The following ELK3 variants were observed in gnomAD, a reference collection of about 807,000 sequenced individuals.
ELK3 encodes the protein ETS domain-containing protein Elk-3.
Under a neutral mutation model 28.9 loss-of-function variants are expected in ELK3, and 10 were observed. That is an observed-to-expected ratio of 0.35 (90% CI 0.21 to 0.59). ELK3 has a LOEUF of 0.59. ELK3 is among the 20% of genes least tolerant of loss of function. The pLI is 0.82. For synonymous variants in ELK3, 272 were observed against 243.5 expected, an observed-to-expected ratio of 1.12 and a Z score of -1.09; for missense variants, 463 against 517.3, an observed-to-expected ratio of 0.90 and a Z score of 1.02.
At chr12:96,258,496 T>C (rs1349375850) in intron 3 of ELK3, among the ~76,000 whole-genome samples, 1 of 152,222 alleles carries the variant, frequency 6.6e-6, no homozygotes, top group African/African-American at 2.4e-5. Flanking sequence ...AGGCCAATTC[T>C]AGGAAAAAAT....
chr12:96,203,541 C>G (rs1036673684), intron 1 of ELK3, among the ~76,000 whole-genome samples: 2 of 152,194 alleles, frequency 1.3e-5, no homozygotes, highest in South Asian at 2.1e-4. Flanking sequence ...TATAGCCCCA[C>G]CTTGTTTTGC....
intron 4 of ELK3, among the ~76,000 whole-genome samples, chr12:96,262,779 A>T (rs1952002842): frequency 6.6e-6 from 1 of 152,124 alleles, no homozygotes; most frequent in Non-Finnish European, 1.5e-5. Context: ...TTCAGAATTC[A>T]GATTACTATC....
chr12:96,244,971 G>T lies in ELK3; in HGVS notation c.208-1969G>T, dbSNP rs148239022. On this transcript the variant is annotated intron_variant, in intron 2 of 4. Transcript: ENST00000228741. The stretch of plus-strand genomic sequence containing the variant: ...GCAGCGTGAGTGTGAGGTCGCTGGC[G>T]TAAATGAGACCCCGCGGGTTAAGTT... Among the ~76,000 whole-genome samples the T allele has an allele frequency of 1.8e-3, 279 of 152,210 alleles. 1 individual carries two copies. Among genetic ancestry groups the T allele is most frequent in the African/African-American group, 6.0e-3 (251 of 41,536 alleles).
intron 2 of ELK3, 160 bp downstream of exon 2, chr12:96,223,933 T>C (rs920118730): frequency 2.0e-5 from 15 of 734,064 alleles, no homozygotes; most frequent in Non-Finnish European, 2.8e-5. Context: ...GCTGTAGGGA[T>C]TTTCCCCACC....
intron 2 of ELK3, among the ~76,000 whole-genome samples, chr12:96,242,627 G>A (rs568427361): frequency 7.2e-5 from 11 of 152,226 alleles, no homozygotes; most frequent in African/African-American, 1.4e-4. Context: ...AGGGACACAC[G>A]TCCTCTGAGC....
At chr12:96,256,386 T>C (rs1031799863) in intron 3 of ELK3, among the ~76,000 whole-genome samples, 1 of 152,156 alleles carries the variant, frequency 6.6e-6, no homozygotes, top group Non-Finnish European at 1.5e-5. Flanking sequence ...GTTTGCACTC[T>C]CGGTCAGTAT....
chr12:96,206,081 C>G (rs1327578024), intron 1 of ELK3, among the ~76,000 whole-genome samples: 3 of 152,080 alleles, frequency 2.0e-5, no homozygotes, highest in Non-Finnish European at 4.4e-5. Flanking sequence ...AGCTCGTTGC[C>G]CTGCTTTGAT....
Position 96,268,426 on chromosome 12 carries a change from G to A in ELK3, c.*1246G>A, listed in dbSNP as rs1194705321. 1 of 152,166 alleles carries A rather than the reference G, an allele frequency of 6.6e-6. No individual in the cohort carries two copies. Among genetic ancestry groups the A allele is most frequent in the Admixed American group, 6.5e-5 (1 of 15,272 alleles). The allele number at this position is 152,166 out of a possible 1,614,324, so 9.4% of individuals were successfully genotyped here. On this transcript the variant is annotated 3_prime_UTR_variant, in exon 5 of 5. Transcript: ENST00000228741. ...GTGGAACTGAACTGATGATAACTTG[G>A]AACACTCCAGTAAATTCTGTTGTGT...
rs577336166 is a variant in ELK3, at chr12:96,260,692, T to C, written c.1125+839T>C. On this transcript the variant is annotated intron_variant, in intron 4 of 4. Transcript: ENST00000228741. ...ATTAAGGTGTTACTGTTTGAATATGTTGAGTGCAGGTGGAAAGAATCCTAG... is the reference window on the plus strand; with the variant it reads ...ATTAAGGTGTTACTGTTTGAATATGCTGAGTGCAGGTGGAAAGAATCCTAG... Among the ~76,000 whole-genome samples, 19 of 152,312 alleles carry C rather than the reference T, an allele frequency of 1.2e-4. 2 individuals carry two copies. The South Asian group carries it at 2.9e-3, about 23-fold the overall frequency.
At chr12:96,229,675 G>C (rs965929387) in intron 2 of ELK3, among the ~76,000 whole-genome samples, 1 of 151,986 alleles carries the variant, frequency 6.6e-6, no homozygotes, top group African/African-American at 2.4e-5. Flanking sequence ...GGGACTACAG[G>C]CATGTGCCAC....
At chr12:96,230,817 G>A (rs557945407) in intron 2 of ELK3, among the ~76,000 whole-genome samples, 8 of 152,310 alleles carry the variant, frequency 5.3e-5, no homozygotes, top group Non-Finnish European at 2.9e-5. Flanking sequence ...TGCACGTGAC[G>A]CAGGTGTGGG....
chr12:96,238,655 C>T (rs1416129061), intron 2 of ELK3, among the ~76,000 whole-genome samples: 3 of 152,214 alleles, frequency 2.0e-5, no homozygotes, highest in African/African-American at 4.8e-5. Context: ...AGTGCTGGGT[C>T]CCCCGTGCCT....
chr12:96,218,366 G>A (rs1315048259), intron 1 of ELK3, among the ~76,000 whole-genome samples: 1 of 152,130 alleles, frequency 6.6e-6, no homozygotes, highest in African/African-American at 2.4e-5. Context: ...CACAGAGTTC[G>A]ATTCTGCAAA....
chr12:96,194,838 GGT>G (rs1485484751), intron 1 of ELK3, 133 bp downstream of exon 1: 1 of 143,436 alleles, frequency 7.0e-6, no homozygotes, highest in South Asian at 2.1e-4. Flanking sequence ...TGCGGGCCGG[GGT>G]GGGGGTGGCG....
chr12:96,230,592 C>G (rs954777070), intron 2 of ELK3, among the ~76,000 whole-genome samples: 1 of 152,188 alleles, frequency 6.6e-6, no homozygotes, highest in African/African-American at 2.4e-5. Flanking sequence ...AGGGTGGAGA[C>G]AGGTCCACCC....
intron 1 of ELK3, among the ~76,000 whole-genome samples, chr12:96,222,370 CACCAGAGTTGAAGG>C (rs3831818): frequency 0.3 from 45,272 of 151,910 alleles, 7,152 homozygotes; most frequent in East Asian, 0.58. Context: ...AAAAAGTTCA[CACCAGAGTTGAAGG>C]AAAAGGATAA....
Position 96,268,553 on chromosome 12 carries a change from A to C in ELK3, c.*1373A>C, listed in dbSNP as rs1270970321. 1 of 152,224 alleles carries C rather than the reference A, an allele frequency of 6.6e-6. No homozygotes were observed. Among genetic ancestry groups the C allele is most frequent in the Admixed American group, 6.5e-5 (1 of 15,286 alleles). 9.4% of individuals were successfully genotyped at this position (152,224 alleles called of 1,614,324 possible). ...ACCACACCTGTACATGAAGAAGGAA[A>C]GTTCTAATACAAGAAAACTGAAAAG... On this transcript the variant is annotated 3_prime_UTR_variant, in exon 5 of 5. Coordinates refer to ENST00000228741, the MANE Select transcript of ELK3 (RefSeq NM_005230.4).
At chr12:96,264,226 C>T (rs1420806661) in intron 4 of ELK3, among the ~76,000 whole-genome samples, 3 of 152,122 alleles carry the variant, frequency 2.0e-5, no homozygotes, top group Admixed American at 2.0e-4. Flanking sequence ...CTCGAGCAGT[C>T]CTCCTGCTTT....
chr12:96,249,886 A>T (rs1401855852), intron 3 of ELK3, among the ~76,000 whole-genome samples: 1 of 152,180 alleles, frequency 6.6e-6, no homozygotes, highest in Non-Finnish European at 1.5e-5. Context: ...CATGGCCTGA[A>T]ACTAGGTGGG....
Sources: gnomAD v4.1 joint callset for allele counts (sites outside exome capture counted in the v4.1 genomes callset) on GRCh38, gnomAD v4.1.1 for gene constraint, MANE v1.5 for transcripts, NCBI Gene and HGNC (gene_info 2026-07-23, HGNC 2026-07-21) for gene names.